JMY: variants seen among roughly 807,000 people sequenced by gnomAD.
The protein encoded by JMY is junction-mediating and -regulatory protein.
A neutral mutation model predicts 103.3 loss-of-function variants in JMY; 46 were observed. The ratio of observed to expected loss-of-function variants is 0.45; its 90% CI spans 0.35 to 0.57. The LOEUF (loss-of-function observed/expected upper bound fraction) is 0.57, where lower values mean the gene tolerates loss of function less well. Ranked by LOEUF, JMY falls within the 20% of genes least tolerant of loss-of-function variation. The probability of loss-of-function intolerance (pLI) is 0.00; values close to 1 mark genes in which losing one functional copy is unlikely to be tolerated. For missense variants in JMY, 1,238 were observed against 1,255.2 expected, an observed-to-expected ratio of 0.99 and a Z score of 0.21; for synonymous variants, 526 against 489.3, an observed-to-expected ratio of 1.07 and a Z score of -0.99.
Position 79,323,335 on chromosome 5 carries a change from A to G in JMY, c.*1733A>G, listed in dbSNP as rs1314089094. 1 of 152,188 alleles carries G rather than the reference A, an allele frequency of 6.6e-6. No homozygotes were observed. The highest frequency in any genetic ancestry group is 1.5e-5 in the Non-Finnish European group (1 of 68,046). 9.4% of individuals were successfully genotyped at this position (152,188 alleles called of 1,614,324 possible). On this transcript the variant is annotated 3_prime_UTR_variant, in exon 11 of 11. Transcript: ENST00000396137. ...CTTCTCTGCAGCATCTTCATAATAC[A>G]TTGGTTTTAGTTCCCACACTATTCC...
At chr5:79,270,741 A>G (rs1745759508) in intron 1 of JMY, among the ~76,000 whole-genome samples, 2 of 148,218 alleles carry the variant, frequency 1.3e-5, no homozygotes, top group African/African-American at 4.9e-5. Flanking sequence ...CACCATAAAT[A>G]CTTTCTCACC....
chr5:79,239,725 G>T (rs1300361026), intron 1 of JMY, among the ~76,000 whole-genome samples: 2 of 151,702 alleles, frequency 1.3e-5, no homozygotes, highest in African/African-American at 4.8e-5. Context: ...CAGGAGAATG[G>T]CGTGAACCCA....
rs376088436 is a variant in JMY at position 79,301,515 on chromosome 5, C to T, written c.1881+652C>T. Reference sequence around the variant, plus strand: ...TCTTCACCACATTCCAAGGCTACCACTTCCTCATTCCACAGAAAATCAATA... The same window carrying T: ...TCTTCACCACATTCCAAGGCTACCATTTCCTCATTCCACAGAAAATCAATA... On this transcript the variant is annotated intron_variant, in intron 6 of 10. Transcript: ENST00000396137. Among the ~76,000 whole-genome samples, 19 of 152,328 alleles carry T rather than the reference C, an allele frequency of 1.2e-4. 1 individual carries two copies. Among genetic ancestry groups the T allele is most frequent in the Admixed American group, 5.2e-4 (8 of 15,296 alleles).
At chr5:79,260,002 C>A (rs1240803078) in intron 1 of JMY, among the ~76,000 whole-genome samples, 1 of 152,238 alleles carries the variant, frequency 6.6e-6, no homozygotes, top group Non-Finnish European at 1.5e-5. Flanking sequence ...TCTCTGCCTG[C>A]CCCTCAGTGC....
At chr5:79,307,714 A>G (rs114020817) in intron 7 of JMY, among the ~76,000 whole-genome samples, 1,527 of 152,244 alleles carry the variant, frequency 0.01, 27 homozygotes, top group African/African-American at 0.035. Context: ...GCCCCTCTAT[A>G]TATCTCTAGT....
At chr5:79,314,121 A>G in intron 8 of JMY, 136 bp from the exon 9 acceptor site, 1 of 1,400,556 alleles carries the variant, frequency 7.1e-7, no homozygotes, top group African/African-American at 1.5e-5. Context: ...GGCCTCCCAA[A>G]GTGCTGGGAT....
rs1312444485 is a variant in JMY, at chr5:79,236,856, A to G, written c.206A>G (p.Glu69Gly). The G allele has an allele frequency of 6.9e-7, 1 of 1,445,172 alleles. No individual in the cohort carries two copies. The highest frequency in any genetic ancestry group is 9.1e-7 in the Non-Finnish European group (1 of 1,093,208). 89.5% of individuals were successfully genotyped at this position (1,445,172 alleles called of 1,614,324 possible). Residue 69 changes from glutamate to glycine, a missense_variant, in exon 1 of 11, where the codon GAG becomes GGG. Coordinates refer to ENST00000396137, the MANE Select transcript of JMY (RefSeq NM_152405.5). ...CAAGCGGGGGCGCGAGGGGGCGCCG[A>G]GGCCGGCGGAGCTGCGTCCGACGGG... ...REQAGARGGA[E>G]AGGAASDGSR...
chr5:79,236,707 T>G lies in JMY; in HGVS notation c.57T>G (p.His19Gln), dbSNP rs1289348906. The change falls in exon 1 of 11, where the codon CAT (histidine) becomes CAG (glutamine). Residue 19 changes from histidine to glutamine, a missense_variant. His to Gln is a conservative substitution (Grantham distance 24). Coordinates refer to ENST00000396137, the MANE Select transcript of JMY (RefSeq NM_152405.5). Reference protein sequence around the residue: ...LESDWVAVRPHVFDEREKHKF... With the variant: ...LESDWVAVRPQVFDEREKHKF... Reference sequence around the variant, plus strand: ...CGGACTGGGTGGCTGTGCGGCCCCATGTGTTCGACGAGCGCGAGAAACACA... The same window carrying G: ...CGGACTGGGTGGCTGTGCGGCCCCAGGTGTTCGACGAGCGCGAGAAACACA... The G allele has an allele frequency of 6.7e-7, 1 of 1,500,370 alleles. No homozygotes were observed. Among genetic ancestry groups the G allele is most frequent in the African/African-American group, 1.5e-5 (1 of 68,950 alleles). The allele number at this position is 1,500,370 out of a possible 1,614,324, so 92.9% of individuals were successfully genotyped here.
chr5:79,284,178 A>G (rs1746201742), intron 2 of JMY: 7 of 1,565,112 alleles, frequency 4.5e-6, no homozygotes, highest in Admixed American at 3.4e-5. Context: ...AGCTCGTTCA[A>G]CTTTAGCACC....
chr5:79,240,552 A>T (rs1744706567), intron 1 of JMY, among the ~76,000 whole-genome samples: 1 of 151,990 alleles, frequency 6.6e-6, no homozygotes, highest in Non-Finnish European at 1.5e-5. Flanking sequence ...CAGGTGATCT[A>T]ACTGCCTCGG....
intron 1 of JMY, among the ~76,000 whole-genome samples, chr5:79,256,594 G>T (rs1164370730): frequency 3.9e-5 from 6 of 152,128 alleles, no homozygotes; most frequent in Non-Finnish European, 7.4e-5. Context: ...GTTTTTTAGG[G>T]ATGGAGTCTG....
chr5:79,317,838 T>G (rs1747287494), intron 10 of JMY, among the ~76,000 whole-genome samples: 1 of 152,122 alleles, frequency 6.6e-6, no homozygotes, highest in South Asian at 2.1e-4. Flanking sequence ...CATGCCACCA[T>G]GCCGGGCTAA....
intron 10 of JMY, among the ~76,000 whole-genome samples, chr5:79,321,042 T>C (rs979630648): frequency 6.6e-6 from 1 of 152,260 alleles, no homozygotes; most frequent in African/African-American, 2.4e-5. Flanking sequence ...TATCAAGTGC[T>C]CATTAGCCAC....
chr5:79,282,083 T>C (rs1050369236), intron 2 of JMY, among the ~76,000 whole-genome samples: 7 of 152,210 alleles, frequency 4.6e-5, no homozygotes, highest in African/African-American at 1.7e-4. Flanking sequence ...GGTGGCCACC[T>C]GTAGTCCCAG....
chr5:79,280,767 A>G (rs1746081946), intron 2 of JMY, among the ~76,000 whole-genome samples: 1 of 152,176 alleles, frequency 6.6e-6, no homozygotes, highest in Non-Finnish European at 1.5e-5. Context: ...GAAAACTAAT[A>G]TTGGGATAAT....
Position 79,315,980 on chromosome 5 carries a change from TTC to T in JMY, c.2660-18_2660-17del. On this transcript the variant is annotated intron_variant, in intron 9 of 10. Transcript: ENST00000396137. ...AAGTGCAGTCCTAACTGTAATACTG[TTC>T]TGTTTCATTTTCCAAAGTGAGCTCA... 1 of 1,607,358 alleles carries T rather than the reference TTC, an allele frequency of 6.2e-7. No individual in the cohort carries two copies. Among genetic ancestry groups the T allele is most frequent in the Non-Finnish European group, 8.5e-7 (1 of 1,175,768 alleles).
intron 1 of JMY, among the ~76,000 whole-genome samples, chr5:79,257,951 C>G (rs948604677): frequency 5.9e-5 from 9 of 151,962 alleles, no homozygotes; most frequent in Non-Finnish European, 1.0e-4. Context: ...TTAGTAGAGA[C>G]AGGGTTTCAC....
At chr5:79,251,666 T>A (rs2112053179) in intron 1 of JMY, among the ~76,000 whole-genome samples, 1 of 149,548 alleles carries the variant, frequency 6.7e-6, no homozygotes. Context: ...CACCTCCCCC[T>A]CAACTTCCTT....
intron 1 of JMY, among the ~76,000 whole-genome samples, chr5:79,270,633 A>G (rs932995570): frequency 2.1e-5 from 3 of 140,964 alleles, no homozygotes; most frequent in African/African-American, 5.5e-5. Flanking sequence ...AAATATATTT[A>G]CATAAATATT....
Sources: gnomAD v4.1 joint callset for allele counts (sites outside exome capture counted in the v4.1 genomes callset) on GRCh38, gnomAD v4.1.1 for gene constraint, MANE v1.5 for transcripts, NCBI Gene and HGNC (gene_info 2026-07-23, HGNC 2026-07-21) for gene names.